Variants in HPSE2 observed in about 807,000 individuals in gnomAD.
HPSE2 encodes the protein heparanase 2 (inactive), also known as inactive heparanase-2.
HPSE2 carries 38 observed loss-of-function variants against 60.5 expected under a neutral mutation model. The observed-to-expected ratio is 0.63, with a 90% CI of 0.48 to 0.82. HPSE2 has a LOEUF of 0.82. HPSE2 is among the 40% of genes least tolerant of loss of function. HPSE2 has a pLI of 0.00. For missense variants in HPSE2, 713 were observed against 740.4 expected, an observed-to-expected ratio of 0.96 and a Z score of 0.43; for synonymous variants, 295 against 293.2, an observed-to-expected ratio of 1.01 and a Z score of -0.06.
intron 2 of HPSE2, among the ~76,000 whole-genome samples, chr10:99,205,312 G>T (rs1195860967): frequency 6.6e-6 from 1 of 152,164 alleles, no homozygotes; most frequent in African/African-American, 2.4e-5. Context: ...AAATAGGCCA[G>T]GTGTAGTGGC....
At chr10:98,517,347 A>G (rs1032295155) in intron 9 of HPSE2, among the ~76,000 whole-genome samples, 2 of 152,122 alleles carry the variant, frequency 1.3e-5, no homozygotes, top group Non-Finnish European at 2.9e-5. Flanking sequence ...GGGGAGCAAA[A>G]TCACACTTCC....
At chr10:98,478,848 G>C (rs1941124226) in intron 11 of HPSE2, among the ~76,000 whole-genome samples, 1 of 152,172 alleles carries the variant, frequency 6.6e-6, no homozygotes, top group Non-Finnish European at 1.5e-5. Context: ...CTATGGGCTA[G>C]AGAGCACCTA....
At chr10:98,589,122 G>C (rs943314215) in intron 9 of HPSE2, among the ~76,000 whole-genome samples, 7 of 152,164 alleles carry the variant, frequency 4.6e-5, no homozygotes, top group Non-Finnish European at 7.3e-5. Flanking sequence ...AGGACGATGG[G>C]TGCACTGCAG....
intron 9 of HPSE2, among the ~76,000 whole-genome samples, chr10:98,593,624 G>A (rs1340722454): frequency 6.6e-6 from 1 of 152,124 alleles, no homozygotes; most frequent in Non-Finnish European, 1.5e-5. Context: ...TAATGACAGT[G>A]GATGGCTTGG....
At chr10:98,857,099 A>G (rs1417426767) in intron 3 of HPSE2, among the ~76,000 whole-genome samples, 2 of 152,214 alleles carry the variant, frequency 1.3e-5, no homozygotes, top group Admixed American at 6.5e-5. Context: ...ACTCAGAGGC[A>G]TCATCTTTCA....
chr10:99,117,417 G>GAAAAAA (rs1157232317), intron 3 of HPSE2, among the ~76,000 whole-genome samples: 5 of 24,816 alleles, frequency 2.0e-4, no homozygotes, highest in Non-Finnish European at 1.8e-4. Flanking sequence ...TTGTTTTTTT[G>GAAAAAA]AAAAAAAAAA....
chr10:99,189,580 A>G (rs892972928), intron 2 of HPSE2, among the ~76,000 whole-genome samples: 4 of 152,194 alleles, frequency 2.6e-5, no homozygotes, highest in African/African-American at 9.7e-5. Context: ...ATAACACCAG[A>G]ACCACATGAA....
chr10:98,734,888 T>TAC (rs140139802), intron 4 of HPSE2, among the ~76,000 whole-genome samples: 52,502 of 148,126 alleles, frequency 0.35, 9,383 homozygotes, highest in African/African-American at 0.43. Flanking sequence ...ATTTGTCCCT[T>TAC]ACACACACAC....
chr10:99,144,430 A>G, intron 2 of HPSE2, 31 bp from the exon 3 acceptor site: 1 of 1,609,504 alleles, frequency 6.2e-7, no homozygotes, highest in Non-Finnish European at 8.5e-7. Flanking sequence ...GGCAGGCAGC[A>G]AAAACTAAAA....
the HPSE2 span, among the ~76,000 whole-genome samples, chr10:99,271,991 A>C: frequency 6.6e-6 from 1 of 152,074 alleles, no homozygotes; most frequent in Non-Finnish European, 1.5e-5. Context: ...AGATCAACAC[A>C]CCTGGGTGCA....
rs544183494 is a variant in HPSE2 at position 99,019,939 on chromosome 10, T to C, written c.610+124299A>G. On this transcript the variant is annotated intron_variant, in intron 3 of 11. Transcript: ENST00000370552. ...GCTGGCCAGGCTGGTCTCAAACTCC[T>C]GACCTCAAGTCATCTGCCCACCTCA... Among the ~76,000 whole-genome samples the C allele has an allele frequency of 1.2e-4, 19 of 152,222 alleles. 1 individual carries two copies. The East Asian group carries it at 3.7e-3, about 29-fold the overall frequency.
intron 11 of HPSE2, among the ~76,000 whole-genome samples, chr10:98,477,676 C>T (rs139764637): frequency 1.9e-3 from 290 of 152,288 alleles, no homozygotes; most frequent in Non-Finnish European, 3.7e-3. Flanking sequence ...CTTGTGAGGC[C>T]GAACTTCATG....
At chr10:99,300,257 C>T in the HPSE2 span, among the ~76,000 whole-genome samples, 1 of 152,116 alleles carries the variant, frequency 6.6e-6, no homozygotes. Flanking sequence ...GAGTTTAAGA[C>T]ACCCAGACCC....
chr10:98,806,218 T>C (rs1392120799), intron 3 of HPSE2, among the ~76,000 whole-genome samples: 1 of 152,188 alleles, frequency 6.6e-6, no homozygotes, highest in African/African-American at 2.4e-5. Context: ...AAATCTAATA[T>C]GCAGAATTTT....
intron 3 of HPSE2, among the ~76,000 whole-genome samples, chr10:99,134,023 A>G (rs977139004): frequency 1.3e-5 from 2 of 152,228 alleles, no homozygotes; most frequent in African/African-American, 2.4e-5. Flanking sequence ...TGAGAAAAGA[A>G]CATAAATGAC....
chr10:99,143,899 T>C (rs986338066), intron 3 of HPSE2, among the ~76,000 whole-genome samples: 27 of 152,144 alleles, frequency 1.8e-4, no homozygotes, highest in Admixed American at 1.4e-3. Flanking sequence ...ACTGGGTTCA[T>C]AGAAAGGGCA....
intron 3 of HPSE2, among the ~76,000 whole-genome samples, chr10:98,949,866 G>T (rs2135189227): frequency 6.6e-6 from 1 of 152,166 alleles, no homozygotes; most frequent in Non-Finnish European, 1.5e-5. Flanking sequence ...CTAAAGGAAA[G>T]ATATATAAAA....
the HPSE2 span, among the ~76,000 whole-genome samples, chr10:99,274,725 G>T: frequency 6.6e-6 from 1 of 152,204 alleles, no homozygotes; most frequent in Admixed American, 6.5e-5. Context: ...TTAGTTATTA[G>T]GAGGCTAAAT....
At chr10:98,884,365 A>G (rs1953107392) in intron 3 of HPSE2, among the ~76,000 whole-genome samples, 1 of 152,140 alleles carries the variant, frequency 6.6e-6, no homozygotes, top group Admixed American at 6.6e-5. Flanking sequence ...CAGATTTTCG[A>G]CGTAGTTGAA....
Sources: allele counts gnomAD v4.1 joint callset (sites outside exome capture counted in the v4.1 genomes callset), GRCh38; gene constraint gnomAD v4.1.1; transcripts MANE v1.5; gene names NCBI Gene and HGNC (gene_info 2026-07-23, HGNC 2026-07-21).